The following SH3D19 variants were observed in gnomAD, a reference collection of about 807,000 sequenced individuals.
SH3D19 encodes SH3 domain containing 19, also known as SH3 domain-containing protein 19.
SH3D19 carries 58 observed loss-of-function variants against 112.1 expected under a neutral mutation model. The ratio of observed to expected loss-of-function variants is 0.52; its 90% CI spans 0.42 to 0.64. SH3D19 has a LOEUF of 0.64. SH3D19 is among the 30% of genes least tolerant of loss of function. The pLI, the probability that SH3D19 is intolerant of heterozygous loss-of-function variation, is 0.00. For synonymous variants in SH3D19, 391 were observed against 448.5 expected (o/e 0.87, Z 1.62); for missense variants, 1,090 against 1,263.4 (o/e 0.86, Z 2.08).
chr4:151,221,680 T>C lies in SH3D19; in HGVS notation c.152+4367A>G, dbSNP rs998049385. 1.8e-4 allele frequency among the ~76,000 whole-genome samples: 28 copies of C among 152,230 alleles called. 1 individual carries two copies. The highest frequency in any genetic ancestry group is 3.8e-4 in the Non-Finnish European group (26 of 68,040). ...TATTCAACAATTATTTATTGTTTATTGTGGGCCAGGCAATCTACTAAGTGT... is the reference window on the plus strand; with the variant it reads ...TATTCAACAATTATTTATTGTTTATCGTGGGCCAGGCAATCTACTAAGTGT... On this transcript the variant is annotated intron_variant, in intron 2 of 19. Coordinates refer to ENST00000604030, the MANE Select transcript of SH3D19 (RefSeq NM_001378122.1).
intron 1 of SH3D19, among the ~76,000 whole-genome samples, chr4:151,318,783 C>T (rs551002175): frequency 1.3e-5 from 2 of 152,270 alleles, no homozygotes; most frequent in African/African-American, 2.4e-5. Flanking sequence ...AGAGAGGTTA[C>T]GTAACTTGTC....
chr4:151,299,550 A>G (rs1338940668), intron 1 of SH3D19, among the ~76,000 whole-genome samples: 2 of 134,404 alleles, frequency 1.5e-5, no homozygotes, highest in African/African-American at 2.7e-5. Flanking sequence ...ACTGCACTCC[A>G]GCCTGGGCAA....
chr4:151,304,959 TAAAACAAAAC>T (rs139381170), intron 1 of SH3D19, among the ~76,000 whole-genome samples: 3 of 151,994 alleles, frequency 2.0e-5, no homozygotes, highest in Non-Finnish European at 2.9e-5. Flanking sequence ...GTTCTAGGCA[TAAAACAAAAC>T]AAAACAAAAC....
intron 13 of SH3D19, 41 bp downstream of exon 13, chr4:151,139,734 T>C: frequency 6.3e-7 from 1 of 1,582,086 alleles, no homozygotes; most frequent in East Asian, 2.2e-5. Context: ...GACTTACTCC[T>C]GGATCCTGTG....
chr4:151,190,121 T>C (rs530149362), intron 2 of SH3D19, among the ~76,000 whole-genome samples: 86 of 152,260 alleles, frequency 5.6e-4, no homozygotes, highest in African/African-American at 1.7e-3. Context: ...CCCTAGAGAT[T>C]TGTGGAACTC....
At chr4:151,202,829 C>G (rs1255501622) in intron 2 of SH3D19, among the ~76,000 whole-genome samples, 2 of 152,094 alleles carry the variant, frequency 1.3e-5, no homozygotes, top group Non-Finnish European at 2.9e-5. Context: ...GCATGAGGGC[C>G]CTTCTAAACA....
At chr4:151,292,325 A>C (rs1775399499) in intron 1 of SH3D19, among the ~76,000 whole-genome samples, 1 of 151,946 alleles carries the variant, frequency 6.6e-6, no homozygotes, top group Admixed American at 6.6e-5. Context: ...AAAGAAAAGA[A>C]GGAAGGAAAT....
intron 2 of SH3D19, among the ~76,000 whole-genome samples, chr4:151,218,965 T>A (rs1767592599): frequency 1.3e-5 from 2 of 152,204 alleles, no homozygotes; most frequent in Non-Finnish European, 2.9e-5. Context: ...TTTATATAAA[T>A]GGCATTATAC....
chr4:151,240,707 T>C (rs1362160405), intron 1 of SH3D19, among the ~76,000 whole-genome samples: 1 of 151,950 alleles, frequency 6.6e-6, no homozygotes, highest in East Asian at 1.9e-4. Context: ...TGTAAAATGG[T>C]ACAGTTGCTT....
intron 2 of SH3D19, among the ~76,000 whole-genome samples, chr4:151,200,221 TACATACATACATACAC>T (rs141517486): frequency 0.03 from 4,495 of 151,976 alleles, 103 homozygotes; most frequent in African/African-American, 0.05. Flanking sequence ...GACTAACACA[TACATACATACATACAC>T]ACATACATAC....
intron 1 of SH3D19, among the ~76,000 whole-genome samples, chr4:151,288,465 G>A (rs900105662): frequency 6.6e-6 from 1 of 152,128 alleles, no homozygotes; most frequent in African/African-American, 2.4e-5. Flanking sequence ...AGCAACTGTA[G>A]GCTGGGGGCA....
chr4:151,168,430 C>T (rs1171061455), intron 7 of SH3D19, among the ~76,000 whole-genome samples: 2 of 149,838 alleles, frequency 1.3e-5, no homozygotes, highest in African/African-American at 5.0e-5. Flanking sequence ...CACGGTCTCA[C>T]TCTCACCCAC....
chr4:151,220,458 T>C (rs1339794037), intron 2 of SH3D19, among the ~76,000 whole-genome samples: 3 of 152,178 alleles, frequency 2.0e-5, no homozygotes, highest in Non-Finnish European at 4.4e-5. Flanking sequence ...TTGTAGTAGA[T>C]AAAACATTTG....
chr4:151,125,532 AGGAAAGAAG>A (rs1182626191), intron 19 of SH3D19, among the ~76,000 whole-genome samples: 150 of 151,044 alleles, frequency 9.9e-4, no homozygotes, highest in Non-Finnish European at 2.0e-3. Flanking sequence ...AAGGAAGGAA[AGGAAAGAAG>A]GGAAAGAAAG....
chr4:151,134,401 C>T (rs1269248486), intron 15 of SH3D19, among the ~76,000 whole-genome samples: 2 of 152,324 alleles, frequency 1.3e-5, no homozygotes, highest in Admixed American at 6.5e-5. Context: ...AGGGAAACGT[C>T]CTCAGAGATA....
chr4:151,215,848 C>T (rs1320754958), intron 2 of SH3D19, among the ~76,000 whole-genome samples: 9 of 149,284 alleles, frequency 6.0e-5, no homozygotes, highest in Non-Finnish European at 1.2e-4. Flanking sequence ...TTTTTTTTGA[C>T]GGAGTCTTGC....
At chr4:151,132,563 T>A (rs910940423) in intron 16 of SH3D19, among the ~76,000 whole-genome samples, 180 bp from the exon 17 acceptor site, 1 of 152,258 alleles carries the variant, frequency 6.6e-6, no homozygotes, top group African/African-American at 2.4e-5. Flanking sequence ...GCTTGTTTAG[T>A]TAATTGTAAA....
chr4:151,176,750 C>T, intron 5 of SH3D19, 63 bp from the exon 6 acceptor site: 1 of 1,228,754 alleles, frequency 8.1e-7, no homozygotes, highest in Non-Finnish European at 1.0e-6. Flanking sequence ...TTGACAGTCT[C>T]ACTGTTCTTA....
intron 2 of SH3D19, among the ~76,000 whole-genome samples, 171 bp from the exon 3 acceptor site, chr4:151,187,634 T>C (rs1452952599): frequency 2.0e-5 from 3 of 152,202 alleles, no homozygotes; most frequent in Non-Finnish European, 4.4e-5. Context: ...TTTTAAAACT[T>C]GACTTTAATT....
Sources: allele counts gnomAD v4.1 joint callset (sites outside exome capture counted in the v4.1 genomes callset), GRCh38; gene constraint gnomAD v4.1.1; transcripts MANE v1.5; gene names NCBI Gene and HGNC (gene_info 2026-07-23, HGNC 2026-07-21).